Variants in KRT3 observed in about 807,000 individuals in gnomAD.
The protein encoded by KRT3 is keratin 3.
In KRT3, 34 loss-of-function variants were observed where a neutral mutation model predicts 45.8. The observed-to-expected ratio is 0.74, with a 90% confidence interval of 0.57 to 0.99. KRT3 has a LOEUF of 0.99. Ranked by LOEUF, KRT3 falls within the 50% of genes least tolerant of loss-of-function variation. The probability of loss-of-function intolerance (pLI) is 0.00; values close to 1 mark genes in which losing one functional copy is unlikely to be tolerated. For missense variants in KRT3, 828 were observed against 820.6 expected (o/e 1.01, Z -0.11); for synonymous variants, 367 against 329.0 (o/e 1.12, Z -1.25).
rs760403503 is a variant in KRT3, at chr12:52,795,641, AGCCCCTCCAAAGCCACC to A, written c.385_401del (p.Gly129TrpfsTer80). ...AGCCACCAGGACCACCAAAGCCACC[AGCCCCTCCAAAGCCACC>A]AGCCCCTCCAAAGCCACCAGCTCCA... On this transcript the variant is annotated frameshift_variant, in exon 1 of 9. Coordinates refer to ENST00000417996, the MANE Select transcript of KRT3 (RefSeq NM_057088.3). LOFTEE classifies it high-confidence loss of function. 1 of 1,444,956 alleles carries A rather than the reference AGCCCCTCCAAAGCCACC, an allele frequency of 6.9e-7. No individual in the cohort carries two copies. The highest frequency in any genetic ancestry group is 3.0e-5 in the Admixed American group (1 of 33,478). The allele number at this position is 1,444,956 out of a possible 1,614,324, so 89.5% of individuals were successfully genotyped here.
In KRT3 at chr12:52,795,801, C is replaced by A. The variant is rs552886568; in HGVS notation, c.242G>T (p.Gly81Val). 1.2e-6 allele frequency: 2 copies of A among 1,614,050 alleles called. No homozygotes were observed. The highest frequency in any genetic ancestry group is 1.3e-5 in the African/African-American group (1 of 75,044). ...AAGGSRAGGFGGGRSSCAFAG... is the reference protein window; with the variant it reads ...AAGGSRAGGFVGGRSSCAFAG... ...AAAGGCACAGCTGCTCCGCCCTCCC[C>A]CAAAGCCTCCAGCCCGGGAGCCGCC... The change falls in exon 1 of 9, where the codon GGG becomes GTG. Residue 81 changes from glycine to valine, a missense_variant. Transcript: ENST00000417996.
chr12:52,792,115 T>C (rs1451273272), intron 5 of KRT3, 124 bp downstream of exon 5: 1 of 851,460 alleles, frequency 1.2e-6, no homozygotes, highest in Non-Finnish European at 1.8e-6. Context: ...GAAGGATGAC[T>C]TCAGAGGGTA....
chr12:52,793,540 C>T (rs1156784082), intron 2 of KRT3, among the ~76,000 whole-genome samples: 1 of 152,162 alleles, frequency 6.6e-6, no homozygotes, highest in African/African-American at 2.4e-5. Context: ...CAGGATCTTC[C>T]CCAACCTGGC....
At chr12:52,792,534 C>A in intron 4 of KRT3, 131 bp from the exon 5 acceptor site, 1 of 1,034,076 alleles carries the variant, frequency 9.7e-7, no homozygotes, top group Non-Finnish European at 1.5e-6. Context: ...ACACCCTGTC[C>A]GCAGCCACTC....
rs997660424 is a variant in KRT3 at position 52,790,040 on chromosome 12, C to G, written c.*2G>C. On this transcript the variant is annotated 3_prime_UTR_variant, in exon 9 of 9. Coordinates refer to ENST00000417996, the MANE Select transcript of KRT3 (RefSeq NM_057088.3). ...AGTGGCTGCGATGCTGATGCGTGCTCTTTATCTGGAGTAGCGCTGGGAGGA... is the reference window on the plus strand; with the variant it reads ...AGTGGCTGCGATGCTGATGCGTGCTGTTTATCTGGAGTAGCGCTGGGAGGA... The G allele has an allele frequency of 1.5e-5, 23 of 1,538,386 alleles. No individual in the cohort carries two copies. Among genetic ancestry groups the G allele is most frequent in the Non-Finnish European group, 1.8e-5 (21 of 1,146,830 alleles).
chr12:52,793,798 G>A (rs142280252), intron 2 of KRT3, among the ~76,000 whole-genome samples: 193 of 152,154 alleles, frequency 1.3e-3, no homozygotes, highest in Middle Eastern at 6.8e-3. Flanking sequence ...CGCCATGTTG[G>A]CCAGGCTGGT....
intron 2 of KRT3, among the ~76,000 whole-genome samples, chr12:52,793,610 T>A (rs75021044): frequency 6.6e-6 from 1 of 152,078 alleles, no homozygotes; most frequent in African/African-American, 2.4e-5. Flanking sequence ...GTTTTTTTTT[T>A]AGACATAGTC....
At chr12:52,792,434 T>C in intron 4 of KRT3, 31 bp from the exon 5 acceptor site, 1 of 1,610,148 alleles carries the variant, frequency 6.2e-7, no homozygotes. Context: ...TGTTCACTTT[T>C]GGGGTCCCTG....
Position 52,790,188 on chromosome 12 carries a change from T to C in KRT3, c.1741A>G (p.Ser581Gly). 3.9e-6 allele frequency: 6 copies of C among 1,549,040 alleles called. No individual in the cohort carries two copies. The highest frequency in any genetic ancestry group is 5.2e-6 in the Non-Finnish European group (6 of 1,146,808). ...AAGCCGCTGCCACCGCTGAAACCGC[T>C]GCTGCCGCCGCCAAATCCACCGCCG... ...GIGGGFGGGS[S>G]GFSGGSGFGS... Residue 581 changes from serine (S) to glycine (G), a missense_variant, in exon 9 of 9, where the codon AGC becomes GGC. Coordinates refer to ENST00000417996, the MANE Select transcript of KRT3 (RefSeq NM_057088.3).
Position 52,793,214 on chromosome 12 carries a change from A to C in KRT3, c.876T>G (p.Asp292Glu), listed in dbSNP as rs750818598. 5.7e-5 allele frequency: 91 copies of C among 1,605,670 alleles called. No individual in the cohort carries two copies. The highest frequency in any genetic ancestry group is 7.4e-5 in the Non-Finnish European group (87 of 1,175,548). ...LVEDFKKKYE[D>E]EINKRTAAEN... ...CAGCAGCTGTACGTTTATTGATTTC[A>C]TCCTCATATCTGTGTGAATAAAAAA... Residue 292 changes from aspartate (D) to glutamate (E), a missense_variant, in exon 3 of 9, where the codon GAT becomes GAG. Coordinates refer to ENST00000417996, the MANE Select transcript of KRT3 (RefSeq NM_057088.3).
chr12:52,793,650 G>T (rs1288282629), intron 2 of KRT3, among the ~76,000 whole-genome samples: 1 of 151,934 alleles, frequency 6.6e-6, no homozygotes, highest in African/African-American at 2.4e-5. Flanking sequence ...GGAGTGCAGT[G>T]GTACAATCTT....
chr12:52,790,900 C>A, intron 7 of KRT3, 28 bp from the exon 8 acceptor site: 1 of 1,581,306 alleles, frequency 6.3e-7, no homozygotes, highest in South Asian at 1.2e-5. Flanking sequence ...AGAAAGTGGG[C>A]CCCGTCACAA....
Position 52,789,832 on chromosome 12 carries a change from C to T in KRT3, c.*210G>A. ...GGCCTAGGCCACACCTGGACAATCA[C>T]AGGCACAGGCTGGAGCCGGAGAGAA... On this transcript the variant is annotated 3_prime_UTR_variant, in exon 9 of 9. Coordinates refer to ENST00000417996, the MANE Select transcript of KRT3 (RefSeq NM_057088.3). 4.6e-6 allele frequency: 3 copies of T among 650,500 alleles called. No individual in the cohort carries two copies. The Admixed American group carries it at 7.7e-5, about 17-fold the overall frequency. The allele number at this position is 650,500 out of a possible 1,614,324, so 40.3% of individuals were successfully genotyped here. A position where few individuals can be genotyped will look rare whatever the true frequency, so the allele number is the denominator to read the frequency against.
chr12:52,792,561 G>A, intron 4 of KRT3, 150 bp downstream of exon 4: 1 of 942,766 alleles, frequency 1.1e-6, no homozygotes. Flanking sequence ...CCCCATGTCT[G>A]CAGCTTATCC....
chr12:52,792,848 C>A (rs1391968157), intron 3 of KRT3, 42 bp from the exon 4 acceptor site: 2 of 1,272,346 alleles, frequency 1.6e-6, no homozygotes, highest in South Asian at 1.2e-5. Context: ...TCCCAATGAA[C>A]AAACAGCAAA....
chr12:52,791,333 C>G lies in KRT3; in HGVS notation c.1408G>C (p.Ala470Pro). Residue 470 changes from alanine (A) to proline (P), a missense_variant, in exon 7 of 9, where the codon GCT (alanine) becomes CCT (proline). By Grantham distance (27) the Ala-to-Pro change is conservative. Coordinates refer to ENST00000417996, the MANE Select transcript of KRT3 (RefSeq NM_057088.3). ...ANAKLQELQA[A>P]LQQAKDDLAR... ...AGGTCATCCTTCGCCTGCTGTAGAG[C>G]AGCCTGCAGCTCTTGGAGCTTGGCA... 6.2e-7 allele frequency: 1 copy of G among 1,614,244 alleles called. No individual in the cohort carries two copies.
At position 52,790,807 on chromosome 12, in the gene KRT3, T is replaced by C. The variant is rs777760010; in HGVS notation, c.1570+31A>G. 3.9e-6 allele frequency: 6 copies of C among 1,549,208 alleles called. No individual in the cohort carries two copies. In the Admixed American group the frequency reaches 5.5e-5, roughly 14 times the overall value. On this transcript the variant is annotated intron_variant, in intron 8 of 8. Transcript: ENST00000417996. The stretch of plus-strand genomic sequence containing the variant: ...TTAGTGCAGATATTTCAGAATTAAC[T>C]CTCATTTTCTTAGCTACTTTCGGTA...
Position 52,795,589 on chromosome 12 carries a change from G to GCCCACCAAAGCCACCAGA in KRT3, c.436_453dup (p.Ser146_Gly151dup). On this transcript the variant is annotated inframe_insertion, in exon 1 of 9. Transcript: ENST00000417996. Reference sequence around the variant, plus strand: ...CCACCAGGACTGCCCAAGCTGCCAGGCCCACCAAAGCCACCAGACCCACCA... The same window carrying GCCCACCAAAGCCACCAGA: ...CCACCAGGACTGCCCAAGCTGCCAGGCCCACCAAAGCCACCAGACCCACCAAAGCCACCAGACCCACCA... 2 of 1,601,576 alleles carry GCCCACCAAAGCCACCAGA rather than the reference G, an allele frequency of 1.2e-6. No individual in the cohort carries two copies. Among genetic ancestry groups the GCCCACCAAAGCCACCAGA allele is most frequent in the Non-Finnish European group, 1.7e-6 (2 of 1,173,720 alleles).
In KRT3 at chr12:52,790,349, C is replaced by T; in HGVS notation, c.1580G>A (p.Ser527Asn). The change falls in exon 9 of 9, where the codon AGC (serine) becomes AAC (asparagine). Residue 527 changes from serine to asparagine, a missense_variant. Physicochemically the swap from Ser to Asn is conservative, Grantham distance 46. Coordinates refer to ENST00000417996, the MANE Select transcript of KRT3 (RefSeq NM_057088.3). The stretch of plus-strand genomic sequence containing the variant: ...TGCGGAGGCGGAAGTCGTGCTGCTG[C>T]TGACCACGGCTGTGGGGGAGAGGAC... ...CPSAVSISVV[S>N]SSTTSASAGG... The T allele has an allele frequency of 6.3e-7, 1 of 1,594,692 alleles. No individual in the cohort carries two copies. The highest frequency in any genetic ancestry group is 1.1e-5 in the South Asian group (1 of 87,108).
Sources: allele counts gnomAD v4.1 joint callset (sites outside exome capture counted in the v4.1 genomes callset), GRCh38; gene constraint gnomAD v4.1.1; transcripts MANE v1.5; gene names NCBI Gene and HGNC (gene_info 2026-07-23, HGNC 2026-07-21).